Variants in ZNF532 observed in about 807,000 individuals in gnomAD.
ZNF532 encodes the protein zinc finger protein 532.
Under a neutral mutation model 89.3 loss-of-function variants are expected in ZNF532, and 22 were observed. That is an observed-to-expected ratio of 0.25 (90% CI 0.18 to 0.35). ZNF532 has a LOEUF of 0.35. Ranked by LOEUF, ZNF532 falls within the 10% of genes least tolerant of loss-of-function variation. The pLI is 1.00. For missense variants in ZNF532, 1,132 were observed against 1,643.4 expected (o/e 0.69, Z 5.38); for synonymous variants, 606 against 649.6 (o/e 0.93, Z 1.02).
intron 2 of ZNF532, among the ~76,000 whole-genome samples, chr18:58,874,620 C>T (rs553611903): frequency 2.6e-5 from 4 of 152,272 alleles, no homozygotes; most frequent in South Asian, 2.1e-4. Flanking sequence ...GGATTACAGG[C>T]GTGAGCCACT....
intron 2 of ZNF532, among the ~76,000 whole-genome samples, chr18:58,908,211 C>T (rs980945756): frequency 2.0e-5 from 3 of 152,152 alleles, no homozygotes; most frequent in African/African-American, 7.2e-5. Context: ...TGGACACAAG[C>T]CAGGAACAAA....
In ZNF532 at chr18:58,953,526, T is replaced by C; in HGVS notation, c.2877T>C (p.His959=). Residue 959 remains histidine (H), a synonymous_variant, in exon 7 of 10, where the codon CAT becomes CAC. Coordinates refer to ENST00000591808, the MANE Select transcript of ZNF532 (RefSeq NM_001375912.1). ...TTCTTTTTATAATGTAGTCTATGCA[T>C]GGAACATTGAAAAGTATTGAAGGGC... is the stretch of plus-strand genomic sequence containing the variant. ...QLMMDHIKSM[H]GTLKSIEGPP... The C allele has an allele frequency of 6.2e-7, 1 of 1,610,180 alleles. No individual in the cohort carries two copies. The highest frequency in any genetic ancestry group is 8.5e-7 in the Non-Finnish European group (1 of 1,178,186).
chr18:58,912,642 G>T (rs1454876853), intron 2 of ZNF532, among the ~76,000 whole-genome samples: 2 of 152,160 alleles, frequency 1.3e-5, no homozygotes, highest in African/African-American at 2.4e-5. Flanking sequence ...CTTAATCAGG[G>T]TCTGATTAGT....
chr18:58,872,204 G>A (rs943182114), intron 2 of ZNF532, among the ~76,000 whole-genome samples: 5 of 151,606 alleles, frequency 3.3e-5, no homozygotes, highest in African/African-American at 1.2e-4. Flanking sequence ...TGCAGATTTT[G>A]TATTCTTCTG....
chr18:58,959,577 A>T (rs768042651), intron 7 of ZNF532, among the ~76,000 whole-genome samples: 2 of 152,036 alleles, frequency 1.3e-5, no homozygotes, highest in Non-Finnish European at 2.9e-5. Flanking sequence ...ATGTAGATAG[A>T]TGTGGTCCAG....
In ZNF532 at chr18:58,984,460, G is replaced by A. The variant is rs1428184723; in HGVS notation, c.3900G>A (p.Glu1300=). The A allele has an allele frequency of 6.2e-7, 1 of 1,606,778 alleles. No individual in the cohort carries two copies. Among genetic ancestry groups the A allele is most frequent in the Non-Finnish European group, 8.5e-7 (1 of 1,175,840 alleles). Residue 1300 remains glutamate, a synonymous_variant, in exon 10 of 10, where the codon GAG becomes GAA. Transcript: ENST00000591808. ...AATCCAAAAGGATGAGCTCAGCCGA[G>A]AAATAGCCACAGATGCTCCATGAGG... ...FIKSKRMSSA[E]K
intron 7 of ZNF532, among the ~76,000 whole-genome samples, chr18:58,965,395 A>G (rs1361695288): frequency 1.3e-5 from 2 of 152,244 alleles, no homozygotes; most frequent in African/African-American, 4.8e-5. Context: ...AACTTACCCC[A>G]GGGTTTTGCA....
intron 3 of ZNF532, 114 bp downstream of exon 3, chr18:58,920,747 TGTGTG>T (rs2060991548): frequency 1.4e-5 from 4 of 293,196 alleles, no homozygotes; most frequent in Admixed American, 6.3e-5. Flanking sequence ...TGTGTGTGTG[TGTGTG>T]TGTGTGTGTG....
At chr18:58,973,068 C>G (rs1329547427) in intron 7 of ZNF532, among the ~76,000 whole-genome samples, 1 of 152,174 alleles carries the variant, frequency 6.6e-6, no homozygotes, top group Non-Finnish European at 1.5e-5. Context: ...AAGAGGCTTA[C>G]TGTAAGTTGG....
Position 58,953,818 on chromosome 18 carries a change from C to T in ZNF532, c.3150+19C>T, listed in dbSNP as rs186362627. 6.2e-7 allele frequency: 1 copy of T among 1,605,858 alleles called. No homozygotes were observed. Among genetic ancestry groups the T allele is most frequent in the Admixed American group, 1.7e-5 (1 of 59,284 alleles). ...CGGGAAGGTCAGTAAAGAATGAAAG[C>T]TGCTCTGGGTGAGTGCAAGAGAGGG... On this transcript the variant is annotated intron_variant, in intron 7 of 9. Coordinates refer to ENST00000591808, the MANE Select transcript of ZNF532 (RefSeq NM_001375912.1).
At chr18:58,890,302 C>T (rs946549487) in intron 2 of ZNF532, among the ~76,000 whole-genome samples, 1 of 151,212 alleles carries the variant, frequency 6.6e-6, no homozygotes, top group South Asian at 2.1e-4. Context: ...ATATATATAA[C>T]TCTTAAGTAA....
At chr18:58,871,213 C>G (rs553423853) in intron 2 of ZNF532, among the ~76,000 whole-genome samples, 9 of 152,094 alleles carry the variant, frequency 5.9e-5, no homozygotes, top group Non-Finnish European at 1.3e-4. Flanking sequence ...TGGCACTTTA[C>G]GTCTGTTATC....
chr18:58,976,069 A>C (rs1165421579), intron 7 of ZNF532, among the ~76,000 whole-genome samples: 1 of 152,224 alleles, frequency 6.6e-6, no homozygotes, highest in Non-Finnish European at 1.5e-5. Flanking sequence ...AGTACCTTCG[A>C]ATAAGTTTGT....
chr18:58,962,371 C>T (rs1340909930), intron 7 of ZNF532, among the ~76,000 whole-genome samples: 3 of 152,168 alleles, frequency 2.0e-5, no homozygotes, highest in Non-Finnish European at 4.4e-5. Flanking sequence ...AAAGTCATTC[C>T]ATGGACTAAC....
At chr18:58,886,315 G>T (rs116126645) in intron 2 of ZNF532, among the ~76,000 whole-genome samples, 1 of 151,968 alleles carries the variant, frequency 6.6e-6, no homozygotes, top group Admixed American at 6.6e-5. Flanking sequence ...GGAATTTTAC[G>T]TGTCTATATG....
intron 3 of ZNF532, among the ~76,000 whole-genome samples, chr18:58,928,063 T>C (rs1603191336): frequency 6.6e-6 from 1 of 152,324 alleles, no homozygotes; most frequent in African/African-American, 2.4e-5. Context: ...TTATCTTTCT[T>C]TTTATATTTT....
intron 7 of ZNF532, among the ~76,000 whole-genome samples, chr18:58,974,650 A>G (rs2066838792): frequency 6.6e-6 from 1 of 152,208 alleles, no homozygotes; most frequent in Non-Finnish European, 1.5e-5. Context: ...GGAGTTGTGT[A>G]GGAAAACACA....
Position 58,918,960 on chromosome 18 carries a change from G to A in ZNF532, c.673G>A (p.Asp225Asn). 6.2e-7 allele frequency: 1 copy of A among 1,613,716 alleles called. No homozygotes were observed. Among genetic ancestry groups the A allele is most frequent in the East Asian group, 2.2e-5 (1 of 44,890 alleles). Residue 225 changes from aspartate (D) to asparagine (N), a missense_variant, in exon 3 of 10, where the codon GAT becomes AAT. By Grantham distance (23) the Asp-to-Asn change is conservative (BLOSUM62 1). Transcript: ENST00000591808. ...YEPFKVRKAEDKLKESSDKVL... is the reference protein window; with the variant it reads ...YEPFKVRKAENKLKESSDKVL... Reference sequence around the variant, plus strand: ...ACCTTTTAAAGTCAGAAAAGCAGAGGATAAATTGAAGGAAAGCTCTGACAA... The same window carrying A: ...ACCTTTTAAAGTCAGAAAAGCAGAGAATAAATTGAAGGAAAGCTCTGACAA...
intron 2 of ZNF532, among the ~76,000 whole-genome samples, chr18:58,912,278 G>T (rs1293753283): frequency 6.6e-6 from 1 of 152,176 alleles, no homozygotes; most frequent in Non-Finnish European, 1.5e-5. Flanking sequence ...CAAAGTATTT[G>T]TATATCCATG....
Sources: gnomAD v4.1 joint callset for allele counts (sites outside exome capture counted in the v4.1 genomes callset) on GRCh38, gnomAD v4.1.1 for gene constraint, MANE v1.5 for transcripts, NCBI Gene and HGNC (gene_info 2026-07-23, HGNC 2026-07-21) for gene names.